Variants in WDR37 observed in about 807,000 individuals in gnomAD.
WDR37 encodes WD repeat-containing protein 37.
In WDR37, 19 loss-of-function variants were observed where a neutral mutation model predicts 62.9. The ratio of observed to expected loss-of-function variants is 0.30; its 90% CI spans 0.21 to 0.44. The LOEUF is 0.44. WDR37 is among the 20% of genes least tolerant of loss of function. The pLI is 1.00. For missense variants in WDR37, 474 were observed against 657.6 expected (o/e 0.72, Z 3.05); for synonymous variants, 250 against 260.9 (o/e 0.96, Z 0.40).
chr10:1,065,104 A>G (rs1833495985), intron 1 of WDR37, among the ~76,000 whole-genome samples: 1 of 152,234 alleles, frequency 6.6e-6, no homozygotes, highest in Non-Finnish European at 1.5e-5. Context: ...GAAATGTGGG[A>G]ACATCAGGAG....
chr10:1,062,456 A>G (rs993212602), intron 1 of WDR37, among the ~76,000 whole-genome samples: 25 of 152,208 alleles, frequency 1.6e-4, no homozygotes, highest in African/African-American at 6.0e-4. Flanking sequence ...CTACAGATGA[A>G]GTTCTTAAGA....
intron 9 of WDR37, chr10:1,096,457 A>AC (rs1834580113): frequency 3.4e-6 from 2 of 593,782 alleles, no homozygotes; most frequent in Non-Finnish European, 6.1e-6. Context: ...ATAAGAGGAG[A>AC]CAGTGGAGAG....
chr10:1,125,170 A>C (rs1835699622), intron 13 of WDR37, 146 bp downstream of exon 13: 1 of 1,384,516 alleles, frequency 7.2e-7, no homozygotes, highest in African/African-American at 1.5e-5. Flanking sequence ...ATAAAATTTA[A>C]AATTGAAGAA....
In WDR37 at chr10:1,102,006, C is replaced by T. The variant is rs571032313; in HGVS notation, c.727-1596C>T. On this transcript the variant is annotated intron_variant, in intron 9 of 13. Transcript: ENST00000263150. ...CCCGTGCTGCCCTGGGTCCCTGTGA[C>T]GTGCTTTCCCTTGCTGCTGTGCGTC... Among the ~76,000 whole-genome samples the T allele has an allele frequency of 2.6e-5, 4 of 151,254 alleles. No individual in the cohort carries two copies. In the South Asian group the frequency reaches 6.2e-4, roughly 24 times the overall value.
chr10:1,092,680 G>A (rs7921047), intron 7 of WDR37, among the ~76,000 whole-genome samples: 14,543 of 151,550 alleles, frequency 0.096, 1,452 homozygotes, highest in African/African-American at 0.26. Flanking sequence ...TACTAAAAAT[G>A]GCAAGACCCT....
intron 5 of WDR37, among the ~76,000 whole-genome samples, chr10:1,081,480 A>G (rs1051560578): frequency 6.6e-6 from 1 of 152,246 alleles, no homozygotes; most frequent in Non-Finnish European, 1.5e-5. Context: ...TGACATCTAT[A>G]GTAAGATTAA....
intron 2 of WDR37, among the ~76,000 whole-genome samples, chr10:1,076,336 T>G (rs1833876799): frequency 6.6e-6 from 1 of 152,118 alleles, no homozygotes; most frequent in African/African-American, 2.4e-5. Context: ...ATTTCTGTCT[T>G]TTAAGTTGAT....
intron 6 of WDR37, 120 bp from the exon 7 acceptor site, chr10:1,086,166 T>C: frequency 2.7e-6 from 2 of 739,922 alleles, no homozygotes; most frequent in South Asian, 3.4e-5. Flanking sequence ...GAATCAAAGG[T>C]GGAAGAGATA....
At chr10:1,064,030 A>C (rs1685429600) in intron 1 of WDR37, among the ~76,000 whole-genome samples, 2 of 152,242 alleles carry the variant, frequency 1.3e-5, no homozygotes, top group South Asian at 4.1e-4. Context: ...AAGGACCTTA[A>C]AGCAGCGATT....
chr10:1,084,254 C>A, intron 5 of WDR37, 149 bp from the exon 6 acceptor site: 2 of 1,064,578 alleles, frequency 1.9e-6, no homozygotes, highest in African/African-American at 1.6e-5. Context: ...GGCGTTTCAG[C>A]TCACACTTGC....
intron 1 of WDR37, among the ~76,000 whole-genome samples, chr10:1,058,008 G>A (rs1003911763): frequency 1.3e-4 from 20 of 151,432 alleles, no homozygotes; most frequent in Non-Finnish European, 2.2e-4. Context: ...ACACTGTTCT[G>A]GTTACTTTCC....
intron 7 of WDR37, among the ~76,000 whole-genome samples, chr10:1,089,870 CAG>C (rs1170682638): frequency 6.6e-6 from 1 of 152,192 alleles, no homozygotes; most frequent in Non-Finnish European, 1.5e-5. Context: ...AGAGAGGTGT[CAG>C]AGAGGGGAGA....
In WDR37 at chr10:1,124,468, G is replaced by A. The variant is rs960966003; in HGVS notation, c.1238+116G>A. On this transcript the variant is annotated intron_variant, in intron 12 of 13. Coordinates refer to ENST00000263150, the MANE Select transcript of WDR37 (RefSeq NM_014023.4). The stretch of plus-strand genomic sequence containing the variant: ...ATAGAACCCCGGGAACAATGGTTTA[G>A]GCTCCTTTGTCCTCTAATGCAGTTT... The A allele has an allele frequency of 4.9e-6, 7 of 1,427,294 alleles. No individual in the cohort carries two copies. The African/African-American group carries it at 8.4e-5, about 17-fold the overall frequency. 88.4% of individuals were successfully genotyped at this position (1,427,294 alleles called of 1,614,324 possible).
chr10:1,069,370 A>AATATATATATATATATATATAT lies in WDR37; in HGVS notation c.-40-2726_-40-2725insATATATATATATATATATATAT, dbSNP rs1351085134. Among the ~76,000 whole-genome samples, 28 of 81,400 alleles carry AATATATATATATATATATATAT rather than the reference A, an allele frequency of 3.4e-4. 2 individuals are homozygous for AATATATATATATATATATATAT. The highest frequency in any genetic ancestry group is 4.8e-4 in the Non-Finnish European group (21 of 43,684). 53.4% of individuals were successfully genotyped at this position (81,400 alleles called of 152,430 possible). A position where few individuals can be genotyped will look rare whatever the true frequency, so the allele number is the denominator to read the frequency against. The stretch of plus-strand genomic sequence containing the variant: ...TAGTAATAGTAAAAAAATTGGAAAG[A>AATATATATATATATATATATAT]ATATATATATATATATATATTTTTT... On this transcript the variant is annotated intron_variant, in intron 1 of 13. Transcript: ENST00000263150.
chr10:1,116,131 AC>A (rs1431657300), intron 11 of WDR37, among the ~76,000 whole-genome samples: 1 of 151,720 alleles, frequency 6.6e-6, no homozygotes, highest in African/African-American at 2.4e-5. Context: ...GCACCAGGCA[AC>A]CTCCCGTCAT....
intron 13 of WDR37, among the ~76,000 whole-genome samples, chr10:1,127,728 G>A (rs185272873): frequency 1.7e-4 from 26 of 152,212 alleles, no homozygotes; most frequent in East Asian, 5.8e-4. Flanking sequence ...GGAGGCTCAC[G>A]GAGTGTGAGG....
chr10:1,112,011 C>T (rs1835233348), intron 11 of WDR37, among the ~76,000 whole-genome samples: 2 of 152,140 alleles, frequency 1.3e-5, no homozygotes, highest in Admixed American at 6.5e-5. Context: ...AAGCGATTCC[C>T]CTGCCTCAGC....
chr10:1,087,267 C>T (rs1285547266), intron 7 of WDR37, among the ~76,000 whole-genome samples: 1 of 152,242 alleles, frequency 6.6e-6, no homozygotes, highest in Non-Finnish European at 1.5e-5. Context: ...CCTGGCATCC[C>T]ACAGACTGGC....
chr10:1,065,065 A>G (rs1217264406), intron 1 of WDR37, among the ~76,000 whole-genome samples: 1 of 152,216 alleles, frequency 6.6e-6, no homozygotes, highest in Admixed American at 6.5e-5. Context: ...AATAAAGGAA[A>G]TTCTCCAAAC....
Sources: gnomAD v4.1 joint callset for allele counts (sites outside exome capture counted in the v4.1 genomes callset) on GRCh38, gnomAD v4.1.1 for gene constraint, MANE v1.5 for transcripts, NCBI Gene and HGNC (gene_info 2026-07-23, HGNC 2026-07-21) for gene names.